The following DIP2C variants were observed in gnomAD, a reference collection of about 807,000 sequenced individuals.
DIP2C encodes DIP2 acetate--CoA ligase C (putative).
A neutral mutation model predicts 192.4 loss-of-function variants in DIP2C; 33 were observed. The observed-to-expected ratio is 0.17, with a 90% confidence interval of 0.13 to 0.23. The LOEUF (loss-of-function observed/expected upper bound fraction) is 0.23, where lower values mean the gene tolerates loss of function less well. DIP2C is among the 10% of genes least tolerant of loss of function. The pLI, the probability that DIP2C is intolerant of heterozygous loss-of-function variation, is 1.00. For missense variants in DIP2C, 1,537 were observed against 2,110.1 expected (o/e 0.73, Z 5.32); for synonymous variants, 979 against 864.1 (o/e 1.13, Z -2.33).
intron 1 of DIP2C, among the ~76,000 whole-genome samples, chr10:595,160 G>T (rs1474137686): frequency 6.6e-6 from 1 of 152,144 alleles, no homozygotes; most frequent in African/African-American, 2.4e-5. Context: ...GGCCCACACG[G>T]AATCAAACTG....
At chr10:481,722 T>G (rs1843625978) in intron 2 of DIP2C, among the ~76,000 whole-genome samples, 1 of 152,162 alleles carries the variant, frequency 6.6e-6, no homozygotes, top group African/African-American at 2.4e-5. Flanking sequence ...TTCACGTGGA[T>G]CTGAGCATCA....
intron 29 of DIP2C, among the ~76,000 whole-genome samples, chr10:334,403 C>T (rs1418457732): frequency 6.6e-6 from 1 of 150,430 alleles, no homozygotes; most frequent in African/African-American, 2.4e-5. Flanking sequence ...CAGACTGTGG[C>T]TTGTCTTTCT....
intron 31 of DIP2C, among the ~76,000 whole-genome samples, chr10:324,200 G>C (rs1015017963): frequency 1.3e-5 from 2 of 151,986 alleles, no homozygotes; most frequent in African/African-American, 4.8e-5. Context: ...CTCACTGACT[G>C]TGAGAAATGT....
At chr10:335,853 C>A (rs957531404) in intron 29 of DIP2C, among the ~76,000 whole-genome samples, 1 of 152,204 alleles carries the variant, frequency 6.6e-6, no homozygotes, top group Admixed American at 6.5e-5. Flanking sequence ...ATCTGTGTAT[C>A]TGAATAGTTG....
intron 9 of DIP2C, among the ~76,000 whole-genome samples, chr10:401,386 G>C (rs1964430595): frequency 6.6e-6 from 1 of 151,634 alleles, no homozygotes; most frequent in African/African-American, 2.4e-5. Context: ...TTATGGACAA[G>C]TTTCGTACAT....
intron 32 of DIP2C, among the ~76,000 whole-genome samples, chr10:292,354 AC>A (rs1484077323): frequency 6.6e-6 from 1 of 152,170 alleles, no homozygotes; most frequent in Admixed American, 6.5e-5. Context: ...CCTCTGTCTC[AC>A]CCCTTATTTC....
At chr10:316,955 C>T (rs1035514002) in intron 31 of DIP2C, among the ~76,000 whole-genome samples, 1 of 152,204 alleles carries the variant, frequency 6.6e-6, no homozygotes, top group African/African-American at 2.4e-5. Context: ...TTTGAGTCTT[C>T]AGCTCTCTGA....
At chr10:305,988 TA>T (rs1215628178) in intron 32 of DIP2C, among the ~76,000 whole-genome samples, 3 of 129,102 alleles carry the variant, frequency 2.3e-5, no homozygotes, top group Admixed American at 7.7e-5. Flanking sequence ...TATATATATA[TA>T]TATATTATAT....
At position 543,873 on chromosome 10, in the gene DIP2C, C is replaced by T. The variant is rs577094476; in HGVS notation, c.86-57343G>A. Among the ~76,000 whole-genome samples the T allele has an allele frequency of 1.1e-4, 17 of 151,082 alleles. No homozygotes were observed. The South Asian group carries it at 1.9e-3, about 17-fold the overall frequency. On this transcript the variant is annotated intron_variant, in intron 1 of 36. Transcript: ENST00000280886. ...TTAATTCTGGGACTTTTTCACCACC[C>T]GCAAAAGAAACCTTGAATCCATTAA...
intron 1 of DIP2C, among the ~76,000 whole-genome samples, chr10:519,528 G>A (rs1846566588): frequency 6.6e-6 from 1 of 152,194 alleles, no homozygotes; most frequent in South Asian, 2.1e-4. Context: ...CATCCTGGTG[G>A]GAAATCAGGA....
At chr10:301,109 G>A (rs1317023515) in intron 32 of DIP2C, among the ~76,000 whole-genome samples, 1 of 152,178 alleles carries the variant, frequency 6.6e-6, no homozygotes, top group Non-Finnish European at 1.5e-5. Flanking sequence ...TGGGGTCGTA[G>A]GTGGCCTTGC....
intron 31 of DIP2C, among the ~76,000 whole-genome samples, chr10:321,113 A>C (rs1956987397): frequency 6.6e-6 from 1 of 152,214 alleles, no homozygotes; most frequent in African/African-American, 2.4e-5. Context: ...AGTGCCACTG[A>C]TAGAGCCGAT....
At chr10:465,339 C>G (rs1455862879) in intron 3 of DIP2C, among the ~76,000 whole-genome samples, 1 of 145,900 alleles carries the variant, frequency 6.9e-6, no homozygotes, top group African/African-American at 2.5e-5. Flanking sequence ...ATTCAACAAC[C>G]CTTCATGCTA....
At chr10:457,084 T>C (rs1468729312) in intron 3 of DIP2C, among the ~76,000 whole-genome samples, 1 of 152,252 alleles carries the variant, frequency 6.6e-6, no homozygotes, top group Non-Finnish European at 1.5e-5. Flanking sequence ...TTTGAGGTTA[T>C]AATCTCAATT....
At chr10:525,706 G>C (rs1475483091) in intron 1 of DIP2C, among the ~76,000 whole-genome samples, 7 of 152,168 alleles carry the variant, frequency 4.6e-5, no homozygotes, top group African/African-American at 2.4e-5. Context: ...GAGAAAGGAA[G>C]ACAGGCCAGC....
At chr10:611,141 T>C (rs928582879) in intron 1 of DIP2C, among the ~76,000 whole-genome samples, 3 of 152,146 alleles carry the variant, frequency 2.0e-5, no homozygotes, top group African/African-American at 7.2e-5. Context: ...TCCCAAGTGC[T>C]GTCTCATGAT....
intron 24 of DIP2C, among the ~76,000 whole-genome samples, chr10:351,656 G>A (rs1740714201): frequency 6.6e-6 from 1 of 152,210 alleles, no homozygotes; most frequent in Admixed American, 6.5e-5. Context: ...AAGAGCAGGT[G>A]GCAGCAGAGA....
chr10:607,404 G>A (rs1356398994), intron 1 of DIP2C, among the ~76,000 whole-genome samples: 1 of 152,162 alleles, frequency 6.6e-6, no homozygotes, highest in East Asian at 1.9e-4. Context: ...CCGCCTACAT[G>A]AGTCCCTCCA....
At chr10:613,952 G>A (rs1378294413) in intron 1 of DIP2C, among the ~76,000 whole-genome samples, 1 of 152,066 alleles carries the variant, frequency 6.6e-6, no homozygotes, top group Non-Finnish European at 1.5e-5. Flanking sequence ...CCTTCCTCCA[G>A]CCCAGGATAT....
Sources: allele counts gnomAD v4.1 joint callset (sites outside exome capture counted in the v4.1 genomes callset), GRCh38; gene constraint gnomAD v4.1.1; transcripts MANE v1.5; gene names NCBI Gene and HGNC (gene_info 2026-07-23, HGNC 2026-07-21).